The following ADCY7 variants were observed in gnomAD, a reference collection of about 807,000 sequenced individuals.
The protein encoded by ADCY7 is adenylate cyclase type 7.
A neutral mutation model predicts 120.6 loss-of-function variants in ADCY7; 72 were observed. The ratio of observed to expected loss-of-function variants is 0.60; its 90% CI spans 0.49 to 0.73. ADCY7 has a LOEUF of 0.73. ADCY7 is among the 30% of genes least tolerant of loss of function. ADCY7 has a pLI of 0.00. For synonymous variants in ADCY7, 661 were observed against 628.0 expected, an observed-to-expected ratio of 1.05 and a Z score of -0.78; for missense variants, 1,227 against 1,486.0, an observed-to-expected ratio of 0.83 and a Z score of 2.87.
rs778747763 is a variant in ADCY7, at chr16:50,301,106, G to C, written c.1260G>C (p.Thr420=). 6.2e-7 allele frequency: 1 copy of C among 1,613,822 alleles called. No individual in the cohort carries two copies. Among genetic ancestry groups the C allele is most frequent in the Non-Finnish European group, 8.5e-7 (1 of 1,179,932 alleles). The change falls in exon 10 of 26, where the codon ACG becomes ACC. Residue 420 remains threonine (T), a synonymous_variant. Transcript: ENST00000673801. The stretch of plus-strand genomic sequence containing the variant: ...GCCGGGTGCACATCACGGAGGCCAC[G>C]CTAAAGCACCTGGACAAGGCGTACG... ...VPGRVHITEA[T]LKHLDKAYEV...
rs2036311654 is a variant in ADCY7 at position 50,309,582 on chromosome 16, T to C, written c.2096T>C (p.Val699Ala). 6 of 1,613,758 alleles carry C rather than the reference T, an allele frequency of 3.7e-6. No homozygotes were observed. Among genetic ancestry groups the C allele is most frequent in the African/African-American group, 1.3e-5 (1 of 74,948 alleles). ...LMPFQVPELPVGNETGLLAAS... is the reference protein window; with the variant it reads ...LMPFQVPELPAGNETGLLAAS... ...CCTTTCCAAGTTCCAGAGCTGCCTGTTGGCAATGAGACAGGCCTACTGGCC... is the reference window on the plus strand; with the variant it reads ...CCTTTCCAAGTTCCAGAGCTGCCTGCTGGCAATGAGACAGGCCTACTGGCC... The change falls in exon 18 of 26, where the codon GTT becomes GCT. Residue 699 changes from valine (V) to alanine (A), a missense_variant. Physicochemically the swap from Val to Ala is moderately conservative, Grantham distance 64. Around this residue, in one of 5 missense-constraint regions of ADCY7, gnomAD observed 267 missense variants for 270.0 expected, o/e 0.99. Transcript: ENST00000673801.
At chr16:50,266,294 G>C (rs1263031829), upstream of ADCY7, among the ~76,000 whole-genome samples, 3 of 152,202 alleles carry the variant, frequency 2.0e-5, no homozygotes, top group Non-Finnish European at 4.4e-5. Context: ...GCTTCTAATG[G>C]AGGTTTTTGG....
At position 50,287,053 on chromosome 16, in the gene ADCY7, G is replaced by C. The variant is rs549630701; in HGVS notation, c.-268-859G>C. On this transcript the variant is annotated intron_variant, in intron 1 of 25. Transcript: ENST00000673801. ...TTTTTTTGAGATGGAGTCTCACTCT[G>C]TTGCCCAGGCTGGATGCAATGGCAC... Among the ~76,000 whole-genome samples the C allele has an allele frequency of 2.0e-5, 3 of 149,200 alleles. No individual in the cohort carries two copies. The South Asian group carries it at 6.3e-4, about 32-fold the overall frequency.
intron 1 of ADCY7, among the ~76,000 whole-genome samples, chr16:50,268,685 G>A (rs566634553): frequency 1.3e-5 from 2 of 152,246 alleles, no homozygotes; most frequent in East Asian, 3.9e-4. Flanking sequence ...GTTTGCTTGA[G>A]GGCATGGAGG....
At position 50,315,798 on chromosome 16, in the gene ADCY7, T is replaced by G. The variant is rs2036773189; in HGVS notation, c.*293T>G. The stretch of plus-strand genomic sequence containing the variant: ...TTCGGGGCTGACTTTGAGATCTTTG[T>G]TCCCTGAGGTGCCAGGCAGGCAACT... On this transcript the variant is annotated 3_prime_UTR_variant, in exon 26 of 26. Coordinates refer to ENST00000673801, the MANE Select transcript of ADCY7 (RefSeq NM_001114.5). 1 of 328,400 alleles carries G rather than the reference T, an allele frequency of 3.0e-6. No homozygotes were observed. The highest frequency in any genetic ancestry group is 4.1e-5 in the Admixed American group (1 of 24,484). The allele number at this position is 328,400 out of a possible 1,614,324, so 20.3% of individuals were successfully genotyped here. A position where few individuals can be genotyped will look rare whatever the true frequency, so the allele number is the denominator to read the frequency against.
intron 19 of ADCY7, among the ~76,000 whole-genome samples, 175 bp from the exon 20 acceptor site, chr16:50,311,518 C>CT (rs1215470958): frequency 6.6e-6 from 1 of 152,128 alleles, no homozygotes. Context: ...CCCCATCTCC[C>CT]TGCCCACCTC....
chr16:50,305,012 A>T (rs1362540934), intron 12 of ADCY7, 53 bp downstream of exon 12: 2 of 1,608,908 alleles, frequency 1.2e-6, no homozygotes, highest in East Asian at 4.5e-5. Context: ...TCCTCCAAGC[A>T]GGCTGCCCTG....
intron 8 of ADCY7, among the ~76,000 whole-genome samples, chr16:50,299,906 G>T (rs528286869): frequency 6.6e-6 from 1 of 152,260 alleles, no homozygotes; most frequent in African/African-American, 2.4e-5. Context: ...GTGCCCCAAG[G>T]AAGCTCTCCC....
chr16:50,309,529 G>T lies in ADCY7; in HGVS notation c.2062-19G>T. ...AGCGTTCTTGTCCCTGGACTGATGGGGACCTGTCTCCTCTACAGCCCCTGA... is the reference window on the plus strand; with the variant it reads ...AGCGTTCTTGTCCCTGGACTGATGGTGACCTGTCTCCTCTACAGCCCCTGA... On this transcript the variant is annotated intron_variant, in intron 17 of 25. Coordinates refer to ENST00000673801, the MANE Select transcript of ADCY7 (RefSeq NM_001114.5). The T allele has an allele frequency of 6.2e-7, 1 of 1,609,558 alleles. No individual in the cohort carries two copies. The highest frequency in any genetic ancestry group is 8.5e-7 in the Non-Finnish European group (1 of 1,176,248).
intron 17 of ADCY7, 144 bp downstream of exon 17, chr16:50,308,936 C>A: frequency 9.2e-7 from 1 of 1,089,722 alleles, no homozygotes; most frequent in East Asian, 2.8e-5. Context: ...CCCCTTTGTA[C>A]ACTCAGGGCT....
chr16:50,251,981 T>C (rs976969609), intron 1 of ADCY7, among the ~76,000 whole-genome samples: 2 of 152,206 alleles, frequency 1.3e-5, no homozygotes, highest in African/African-American at 4.8e-5. Flanking sequence ...GAGCTGAAGC[T>C]TTGGGGCTCC....
At chr16:50,252,047 A>G (rs764492981) in intron 1 of ADCY7, among the ~76,000 whole-genome samples, 3 of 152,068 alleles carry the variant, frequency 2.0e-5, no homozygotes, top group Non-Finnish European at 2.9e-5. Flanking sequence ...GCAGCCTCAA[A>G]TGTGTGCCTG....
chr16:50,281,556 A>C (rs2034268100), intron 1 of ADCY7, among the ~76,000 whole-genome samples: 1 of 152,132 alleles, frequency 6.6e-6, no homozygotes. Context: ...TCGGCCATTC[A>C]CGTCACAGGT....
chr16:50,252,645 G>A (rs929163073), intron 1 of ADCY7, among the ~76,000 whole-genome samples: 1 of 152,212 alleles, frequency 6.6e-6, no homozygotes, highest in Non-Finnish European at 1.5e-5. Flanking sequence ...GAGGCTCAGA[G>A]AGGTGAAGTG....
In ADCY7 at chr16:50,301,045, GGGCCCCAAGGCTCTGCCTGACTT is replaced by G; in HGVS notation, c.1236-34_1236-12del. 6.2e-7 allele frequency: 1 copy of G among 1,605,814 alleles called. No individual in the cohort carries two copies. Among genetic ancestry groups the G allele is most frequent in the Non-Finnish European group, 8.5e-7 (1 of 1,175,862 alleles). On this transcript the variant is annotated splice_polypyrimidine_tract_variant and intron_variant, in intron 9 of 25. Transcript: ENST00000673801. Reference sequence around the variant, plus strand: ...CCCTGGGTGGATGCCAGCCCTCTCTGGGCCCCAAGGCTCTGCCTGACTTGGGTCTCCCGTAGCCGGGTGCACAT... The same window carrying G: ...CCCTGGGTGGATGCCAGCCCTCTCTGGGGTCTCCCGTAGCCGGGTGCACAT...
In ADCY7 at chr16:50,311,811, C is replaced by T. The variant is rs551904453; in HGVS notation, c.2448+25C>T. 4.2e-4 allele frequency: 565 copies of T among 1,343,514 alleles called. 19 individuals are homozygous for T. The highest frequency in any genetic ancestry group is 3.1e-3 in the South Asian group (239 of 78,304). 83.2% of individuals were successfully genotyped at this position (1,343,514 alleles called of 1,614,324 possible). On this transcript the variant is annotated intron_variant, in intron 20 of 25. Transcript: ENST00000673801. ...GGTAAGGAGGCTGGCCCCCCCCCCCCCCCCAAGCTCTGCCCACTTTTCCTC... is the reference window on the plus strand; with the variant it reads ...GGTAAGGAGGCTGGCCCCCCCCCCCTCCCCAAGCTCTGCCCACTTTTCCTC...
chr16:50,291,655 C>G (rs2034971743), intron 3 of ADCY7, 81 bp from the exon 4 acceptor site: 1 of 1,559,332 alleles, frequency 6.4e-7, no homozygotes, highest in African/African-American at 1.4e-5. Flanking sequence ...ACTGGGTGGG[C>G]TGCTGTGGTG....
At position 50,312,198 on chromosome 16, in the gene ADCY7, T is replaced by C; in HGVS notation, c.2604+7T>C. On this transcript the variant is annotated splice_region_variant and intron_variant, in intron 21 of 25. Transcript: ENST00000673801. ...CGGTGACAAGTTAAACGAGGTGTGC[T>C]GAGAAGGGGCTGGGGCGGGGGCAGG... 1 of 1,604,290 alleles carries C rather than the reference T, an allele frequency of 6.2e-7. No homozygotes were observed. The highest frequency in any genetic ancestry group is 1.4e-5 in the African/African-American group (1 of 70,998).
Position 50,304,494 on chromosome 16 carries a change from CCACCGTGA to C in ADCY7, c.1504_1511del (p.His502GlufsTer6). On this transcript the variant is annotated frameshift_variant, in exon 11 of 26. Transcript: ENST00000673801. LOFTEE classifies it high-confidence loss of function. The stretch of plus-strand genomic sequence containing the variant: ...CGGCACGGCCCTTTGCACATCTCAA[CCACCGTGA>C]GAGCGTGAGCAGTGGTGAGACCCAC... The C allele has an allele frequency of 6.2e-7, 1 of 1,606,732 alleles. No individual in the cohort carries two copies. The highest frequency in any genetic ancestry group is 8.5e-7 in the Non-Finnish European group (1 of 1,176,746).
Sources: gnomAD v4.1 joint callset for allele counts (sites outside exome capture counted in the v4.1 genomes callset) on GRCh38, gnomAD v4.1.1 for gene constraint, gnomAD v4.1.1 regional missense constraint, MANE v1.5 for transcripts, NCBI Gene and HGNC (gene_info 2026-07-23, HGNC 2026-07-21) for gene names.